PTPRT: variants seen among roughly 807,000 people sequenced by gnomAD.
The protein encoded by PTPRT is receptor-type tyrosine-protein phosphatase T.
In PTPRT, 56 loss-of-function variants were observed where a neutral mutation model predicts 176.8. The ratio of observed to expected loss-of-function variants is 0.32; its 90% confidence interval spans 0.26 to 0.40. PTPRT has a LOEUF of 0.40. PTPRT is among the 10% of genes least tolerant of loss of function. The pLI is 1.00. For missense variants in PTPRT, 1,540 were observed against 1,908.2 expected, an observed-to-expected ratio of 0.81 and a Z score of 3.60; for synonymous variants, 783 against 739.0, an observed-to-expected ratio of 1.06 and a Z score of -0.96.
chr20:42,963,123 C>T (rs1031457047), intron 1 of PTPRT, among the ~76,000 whole-genome samples: 5 of 152,034 alleles, frequency 3.3e-5, no homozygotes, highest in South Asian at 2.1e-4. Context: ...GGCGTGAACC[C>T]GGGAGGTGAA....
At chr20:42,335,224 C>G (rs2058023467) in intron 11 of PTPRT, among the ~76,000 whole-genome samples, 1 of 152,114 alleles carries the variant, frequency 6.6e-6, no homozygotes, top group African/African-American at 2.4e-5. Context: ...GTACACAAAA[C>G]CATCAAACCT....
chr20:42,455,850 T>C (rs2070913057), intron 8 of PTPRT, among the ~76,000 whole-genome samples: 1 of 152,114 alleles, frequency 6.6e-6, no homozygotes, highest in Non-Finnish European at 1.5e-5. Context: ...AGTCTTGCTA[T>C]CTGGTAAAGT....
rs368834065 is a variant in PTPRT at position 42,104,752 on chromosome 20, G to A, written c.3391-34C>T. ...TCAGAAGAGAGGGAATGGGGTGCCA[G>A]GTAAGAACAGTGGCCTGGGAATTAG... On this transcript the variant is annotated intron_variant, in intron 24 of 30. Transcript: ENST00000373187. The A allele has an allele frequency of 7.2e-6, 11 of 1,529,638 alleles. No individual in the cohort carries two copies. In the South Asian group the frequency reaches 1.2e-4, roughly 17 times the overall value. The allele number at this position is 1,529,638 out of a possible 1,614,324, so 94.8% of individuals were successfully genotyped here. A position where few individuals can be genotyped will look rare whatever the true frequency, so the allele number is the denominator to read the frequency against.
At chr20:42,774,694 C>T (rs147437195) in intron 4 of PTPRT, among the ~76,000 whole-genome samples, 4 of 152,350 alleles carry the variant, frequency 2.6e-5, no homozygotes, top group Admixed American at 6.5e-5. Flanking sequence ...GATGCCCCCA[C>T]CACTCCATGC....
chr20:43,024,857 G>A (rs1435765444), intron 1 of PTPRT, among the ~76,000 whole-genome samples: 1 of 152,158 alleles, frequency 6.6e-6, no homozygotes, highest in Non-Finnish European at 1.5e-5. Flanking sequence ...CAGCTTCCAT[G>A]CCCAGCCCAC....
chr20:42,608,385 C>T (rs1017204571), intron 7 of PTPRT, among the ~76,000 whole-genome samples: 1 of 152,158 alleles, frequency 6.6e-6, no homozygotes. Flanking sequence ...GTCAAAGCTG[C>T]CTCTCTGTTG....
intron 26 of PTPRT, 110 bp downstream of exon 26, chr20:42,102,013 AG>A (rs914431792): frequency 3.2e-5 from 42 of 1,295,582 alleles, no homozygotes; most frequent in East Asian, 4.8e-5. Flanking sequence ...GATCAGAAGC[AG>A]GGGGGGCTGG....
chr20:42,038,970 C>T, the PTPRT span, among the ~76,000 whole-genome samples: 3,619 of 152,216 alleles, frequency 0.024, 91 homozygotes, highest in Non-Finnish European at 0.037. Context: ...AACTTCTCCC[C>T]GATACTTCCT....
intron 1 of PTPRT, among the ~76,000 whole-genome samples, chr20:43,171,898 A>T (rs531328324): frequency 6.6e-6 from 1 of 152,354 alleles, no homozygotes; most frequent in South Asian, 2.1e-4. Context: ...TCCTCCTGCC[A>T]TACCATCTCC....
intron 1 of PTPRT, among the ~76,000 whole-genome samples, chr20:42,904,125 G>A (rs2079443757): frequency 6.6e-6 from 1 of 152,120 alleles, no homozygotes; most frequent in African/African-American, 2.4e-5. Flanking sequence ...GTGCATCCAG[G>A]ATACATAAAC....
intron 27 of PTPRT, among the ~76,000 whole-genome samples, chr20:42,086,101 C>T (rs947917322): frequency 6.6e-6 from 1 of 152,104 alleles, no homozygotes; most frequent in African/African-American, 2.4e-5. Flanking sequence ...GCACCTGCCA[C>T]CATGTCTGGC....
intron 2 of PTPRT, among the ~76,000 whole-genome samples, chr20:42,824,917 A>G (rs761242368): frequency 1.3e-5 from 2 of 152,058 alleles, no homozygotes; most frequent in African/African-American, 2.4e-5. Flanking sequence ...ATATACATAT[A>G]TGGAAAATAT....
chr20:42,670,534 A>G (rs1340091815), intron 7 of PTPRT, among the ~76,000 whole-genome samples: 1 of 152,222 alleles, frequency 6.6e-6, no homozygotes, highest in Non-Finnish European at 1.5e-5. Context: ...GTAGACACAT[A>G]TCACTGCAAG....
chr20:42,778,163 A>T (rs189758835), intron 4 of PTPRT, among the ~76,000 whole-genome samples: 1 of 152,276 alleles, frequency 6.6e-6, no homozygotes, highest in East Asian at 1.9e-4. Flanking sequence ...GATTCATGAG[A>T]CTTTGGGGGG....
At chr20:42,264,173 G>A (rs549347787) in intron 13 of PTPRT, among the ~76,000 whole-genome samples, 1 of 152,174 alleles carries the variant, frequency 6.6e-6, no homozygotes, top group Non-Finnish European at 1.5e-5. Flanking sequence ...AGAAAAAGGT[G>A]CAGTGAGAGC....
intron 9 of PTPRT, among the ~76,000 whole-genome samples, chr20:42,354,232 C>T (rs557690511): frequency 6.6e-6 from 1 of 152,316 alleles, no homozygotes; most frequent in South Asian, 2.1e-4. Flanking sequence ...CAGGGATCAC[C>T]TCTGTGTGAC....
intron 1 of PTPRT, among the ~76,000 whole-genome samples, chr20:42,935,672 C>T (rs1473864904): frequency 6.6e-6 from 1 of 152,192 alleles, no homozygotes; most frequent in Non-Finnish European, 1.5e-5. Context: ...TATTTAATGA[C>T]TGTCTGCTAT....
intron 7 of PTPRT, among the ~76,000 whole-genome samples, chr20:42,547,912 C>A (rs1350090367): frequency 1.3e-5 from 2 of 151,932 alleles, no homozygotes; most frequent in African/African-American, 4.8e-5. Flanking sequence ...AAATCAATAG[C>A]ATTTTTCTAC....
At chr20:42,988,781 G>A (rs1983736695) in intron 1 of PTPRT, among the ~76,000 whole-genome samples, 1 of 152,174 alleles carries the variant, frequency 6.6e-6, no homozygotes, top group Admixed American at 6.5e-5. Flanking sequence ...GGGGTAAAGA[G>A]TCAACCGGAG....
Sources: allele counts gnomAD v4.1 joint callset (sites outside exome capture counted in the v4.1 genomes callset), GRCh38; gene constraint gnomAD v4.1.1; transcripts MANE v1.5; gene names NCBI Gene and HGNC (gene_info 2026-07-23, HGNC 2026-07-21).